Variants in GRM3 observed in about 807,000 individuals in gnomAD.
The protein encoded by GRM3 is glutamate metabotropic receptor 3.
A neutral mutation model predicts 70.5 loss-of-function variants in GRM3; 26 were observed. The ratio of observed to expected loss-of-function variants is 0.37; its 90% CI spans 0.27 to 0.51. The LOEUF is 0.51. Ranked by LOEUF, GRM3 falls within the 20% of genes least tolerant of loss-of-function variation. GRM3 has a pLI of 0.93. For missense variants in GRM3, 859 were observed against 1,123.8 expected, an observed-to-expected ratio of 0.76 and a Z score of 3.37; for synonymous variants, 443 against 434.9, an observed-to-expected ratio of 1.02 and a Z score of -0.23.
In GRM3 at chr7:86,693,342, T is replaced by C. The variant is rs568444824; in HGVS notation, c.-141+48470T>C. Among the ~76,000 whole-genome samples, 23 of 152,316 alleles carry C rather than the reference T, an allele frequency of 1.5e-4. No homozygotes were observed. The South Asian group carries it at 4.3e-3, about 29-fold the overall frequency. The stretch of plus-strand genomic sequence containing the variant: ...AGGACATGGGTCAGTTAGAAGCCCA[T>C]GCTCTAATACTGATCTTTGCTGCTC... On this transcript the variant is annotated intron_variant, in intron 1 of 5. Transcript: ENST00000361669.
At chr7:86,680,760 G>T (rs914307205) in intron 1 of GRM3, among the ~76,000 whole-genome samples, 1 of 152,110 alleles carries the variant, frequency 6.6e-6, no homozygotes, top group Non-Finnish European at 1.5e-5. Context: ...CTTGTTCTTA[G>T]AGCTCCCAGC....
chr7:86,740,094 A>G (rs1795952584), intron 1 of GRM3, among the ~76,000 whole-genome samples: 3 of 152,222 alleles, frequency 2.0e-5, no homozygotes, highest in Non-Finnish European at 2.9e-5. Context: ...ATTGAACTTA[A>G]GAAAACTTAC....
intron 1 of GRM3, among the ~76,000 whole-genome samples, chr7:86,659,549 A>G (rs899484919): frequency 6.6e-6 from 1 of 152,248 alleles, no homozygotes; most frequent in South Asian, 2.1e-4. Context: ...AAAGCATCCC[A>G]AAACTGAAAT....
rs868027483 is a variant in GRM3, at chr7:86,831,901, A to G, written c.1325-6938A>G. Among the ~76,000 whole-genome samples the G allele has an allele frequency of 2.6e-4, 39 of 151,806 alleles. No individual in the cohort carries two copies. In the Middle Eastern group the frequency reaches 0.017, roughly 68 times the overall value. On this transcript the variant is annotated intron_variant, in intron 3 of 5. Transcript: ENST00000361669. ...GTGTTTTCCACACGTAAGACTGAGT[A>G]CTGAAGACATCTAAGTGGTGCTTTG...
intron 1 of GRM3, among the ~76,000 whole-genome samples, chr7:86,746,344 TATATATATATATA>T (rs1562846606): frequency 3.1e-4 from 16 of 51,994 alleles, no homozygotes; most frequent in African/African-American, 5.0e-4. Context: ...TCATGTATTA[TATATATATATATA>T]TATATATATA....
In GRM3 at chr7:86,644,833, G is replaced by C; in HGVS notation, c.-180G>C. ...CAGGCTCACCGCCGCCGCTGCCACC[G>C]CGGTCAGCTCCAGTTCCTGCCAGGA... On this transcript the variant is annotated 5_prime_UTR_variant, in exon 1 of 6. Coordinates refer to ENST00000361669, the MANE Select transcript of GRM3 (RefSeq NM_000840.3). 7.8e-7 allele frequency: 1 copy of C among 1,289,738 alleles called. No homozygotes were observed. The highest frequency in any genetic ancestry group is 1.0e-6 in the Non-Finnish European group (1 of 988,810). 79.9% of individuals were successfully genotyped at this position (1,289,738 alleles called of 1,614,324 possible).
At chr7:86,718,854 T>C (rs1025328599) in intron 1 of GRM3, among the ~76,000 whole-genome samples, 4 of 152,006 alleles carry the variant, frequency 2.6e-5, no homozygotes, top group African/African-American at 9.7e-5. Context: ...AAGAATCATT[T>C]GCTTGGCAGA....
chr7:86,792,856 G>A (rs1004684581), intron 3 of GRM3, among the ~76,000 whole-genome samples: 3 of 151,684 alleles, frequency 2.0e-5, no homozygotes, highest in Non-Finnish European at 4.4e-5. Context: ...TAGGATCCCT[G>A]AAGAAATCTT....
chr7:86,844,530 G>C (rs1017907555), intron 4 of GRM3, among the ~76,000 whole-genome samples: 1 of 151,830 alleles, frequency 6.6e-6, no homozygotes, highest in African/African-American at 2.4e-5. Flanking sequence ...AGATTTTTAA[G>C]CAGGGGAGTT....
At chr7:86,725,817 T>C (rs745398179) in intron 1 of GRM3, among the ~76,000 whole-genome samples, 1 of 152,122 alleles carries the variant, frequency 6.6e-6, no homozygotes, top group Non-Finnish European at 1.5e-5. Context: ...AAAGTTCTTA[T>C]AAGGGCCATC....
chr7:86,815,202 C>T (rs1449597934), intron 3 of GRM3, among the ~76,000 whole-genome samples: 1 of 151,766 alleles, frequency 6.6e-6, no homozygotes, highest in African/African-American at 2.4e-5. Flanking sequence ...GCACCATCTG[C>T]TGGACAGAAC....
At chr7:86,751,775 G>C (rs960661086) in intron 1 of GRM3, among the ~76,000 whole-genome samples, 1 of 152,016 alleles carries the variant, frequency 6.6e-6, no homozygotes, top group African/African-American at 2.4e-5. Context: ...TGAGAAGGAG[G>C]CCTCTGCACG....
intron 3 of GRM3, among the ~76,000 whole-genome samples, chr7:86,830,973 G>A (rs904712741): frequency 4.6e-5 from 7 of 152,156 alleles, no homozygotes; most frequent in Non-Finnish European, 1.0e-4. Flanking sequence ...GAACACCGAA[G>A]ATTGCCGGCA....
Position 86,706,176 on chromosome 7 carries a change from C to T in GRM3, c.-140-58830C>T, listed in dbSNP as rs560119103. On this transcript the variant is annotated intron_variant, in intron 1 of 5. Coordinates refer to ENST00000361669, the MANE Select transcript of GRM3 (RefSeq NM_000840.3). ...TTAGACCATTTCAATTCTGACTTTCCTATAGTTTGGAAAATTCCTTTAGCC... is the reference window on the plus strand; with the variant it reads ...TTAGACCATTTCAATTCTGACTTTCTTATAGTTTGGAAAATTCCTTTAGCC... 7.9e-5 allele frequency among the ~76,000 whole-genome samples: 12 copies of T among 152,084 alleles called. No individual in the cohort carries two copies. In the South Asian group the frequency reaches 2.3e-3, roughly 29 times the overall value.
At chr7:86,656,420 C>T (rs893679151) in intron 1 of GRM3, among the ~76,000 whole-genome samples, 7 of 151,814 alleles carry the variant, frequency 4.6e-5, no homozygotes, top group South Asian at 2.1e-4. Flanking sequence ...AGGCATGCAC[C>T]GCCACGGCTG....
chr7:86,655,844 GT>G (rs1793724018), intron 1 of GRM3, among the ~76,000 whole-genome samples: 9 of 137,818 alleles, frequency 6.5e-5, no homozygotes, highest in African/African-American at 2.6e-4. Flanking sequence ...GTGTGTGTGT[GT>G]GTGTGTGGGT....
rs368799720 is a variant in GRM3, at chr7:86,864,307, G to A, written c.2592G>A (p.Thr864=). ...SQSSASTYVP[T]VCNGREVLDS... ...CCTCTGCAAGCACGTATGTGCCAAC[G>A]GTGTGCAATGGGCGGGAAGTCCTCG... Residue 864 remains threonine (T), a synonymous_variant, in exon 6 of 6, where the codon ACG becomes ACA. Transcript: ENST00000361669. 187 of 1,602,822 alleles carry A rather than the reference G, an allele frequency of 1.2e-4. 1 individual carries two copies. Among genetic ancestry groups the A allele is most frequent in the South Asian group, 1.8e-4 (16 of 90,852 alleles).
At chr7:86,711,760 CAT>C (rs1795205527) in intron 1 of GRM3, among the ~76,000 whole-genome samples, 1 of 152,056 alleles carries the variant, frequency 6.6e-6, no homozygotes, top group Non-Finnish European at 1.5e-5. Context: ...TTGCTGGATT[CAT>C]CTTTTTCCAC....
At chr7:86,736,009 C>G (rs746240893) in intron 1 of GRM3, among the ~76,000 whole-genome samples, 1 of 152,116 alleles carries the variant, frequency 6.6e-6, no homozygotes, top group Non-Finnish European at 1.5e-5. Context: ...GCAATGAGAC[C>G]AGAACTAACC....
Sources: gnomAD v4.1 joint callset for allele counts (sites outside exome capture counted in the v4.1 genomes callset) on GRCh38, gnomAD v4.1.1 for gene constraint, MANE v1.5 for transcripts, NCBI Gene and HGNC (gene_info 2026-07-23, HGNC 2026-07-21) for gene names.